The following ADD1 variants were observed in gnomAD, a reference collection of about 807,000 sequenced individuals.
The protein encoded by ADD1 is alpha-adducin.
A neutral mutation model predicts 80.5 loss-of-function variants in ADD1; 24 were observed. The ratio of observed to expected loss-of-function variants is 0.30; its 90% CI spans 0.22 to 0.42. The LOEUF is 0.42. Among genes scored for constraint, ADD1 ranks in the 10% least tolerant of loss-of-function variants. ADD1 has a pLI of 1.00. For synonymous variants in ADD1, 373 were observed against 393.8 expected (o/e 0.95, Z 0.63); for missense variants, 948 against 1,019.0 (o/e 0.93, Z 0.95).
chr4:2,848,822 A>T (rs558631397), intron 1 of ADD1, among the ~76,000 whole-genome samples: 4 of 152,168 alleles, frequency 2.6e-5, no homozygotes, highest in Non-Finnish European at 5.9e-5. Flanking sequence ...AATTAATATT[A>T]CATCTCCATA....
chr4:2,850,662 T>C (rs1223634351), intron 1 of ADD1, among the ~76,000 whole-genome samples: 1 of 152,170 alleles, frequency 6.6e-6, no homozygotes, highest in Non-Finnish European at 1.5e-5. Flanking sequence ...CCTGACCTCA[T>C]GATCCGCCCG....
chr4:2,872,784 T>C (rs2108877547), intron 1 of ADD1, among the ~76,000 whole-genome samples: 1 of 152,276 alleles, frequency 6.6e-6, no homozygotes, highest in Non-Finnish European at 1.5e-5. Context: ...AGCTTGGAAC[T>C]CCTGGGCTCA....
At chr4:2,873,155 G>A (rs564163374) in intron 1 of ADD1, among the ~76,000 whole-genome samples, 4 of 152,098 alleles carry the variant, frequency 2.6e-5, no homozygotes, top group South Asian at 4.2e-4. Context: ...CCCACGCCCC[G>A]CTAATTTTTG....
intron 13 of ADD1, among the ~76,000 whole-genome samples, chr4:2,910,107 A>C (rs1163003872): frequency 6.8e-6 from 1 of 147,394 alleles, no homozygotes; most frequent in Non-Finnish European, 1.5e-5. Context: ...ATCTGTCTGA[A>C]CCCACCCACG....
intron 6 of ADD1, among the ~76,000 whole-genome samples, chr4:2,897,710 C>T (rs976930096): frequency 2.3e-4 from 35 of 151,648 alleles, no homozygotes; most frequent in African/African-American, 6.3e-4. Flanking sequence ...TTTGTAGAGG[C>T]GGGGGTCTCA....
intron 1 of ADD1, among the ~76,000 whole-genome samples, chr4:2,845,763 TG>T (rs1726106617): frequency 1.3e-5 from 2 of 152,352 alleles, no homozygotes; most frequent in South Asian, 4.1e-4. Context: ...TTTATTTACA[TG>T]ATTTTTAGTT....
At chr4:2,879,674 G>T (rs2108914691) in intron 2 of ADD1, among the ~76,000 whole-genome samples, 2 of 152,126 alleles carry the variant, frequency 1.3e-5, no homozygotes, top group South Asian at 4.1e-4. Flanking sequence ...CCAGGCTGGA[G>T]TGCAGTGGCG....
At chr4:2,880,278 G>T (rs1448158401) in intron 2 of ADD1, among the ~76,000 whole-genome samples, 3 of 151,882 alleles carry the variant, frequency 2.0e-5, no homozygotes, top group Admixed American at 2.0e-4. Flanking sequence ...CAATACATCT[G>T]TCTGTTGTGT....
chr4:2,908,428 C>A, intron 11 of ADD1, 87 bp from the exon 12 acceptor site: 1 of 1,191,174 alleles, frequency 8.4e-7, no homozygotes, highest in Non-Finnish European at 1.2e-6. Context: ...TTCCATGTGG[C>A]TGGGGCCCAA....
chr4:2,904,806 G>A lies in ADD1; in HGVS notation c.1204G>A (p.Glu402Lys). The A allele has an allele frequency of 6.2e-7, 1 of 1,614,190 alleles. No individual in the cohort carries two copies. The stretch of plus-strand genomic sequence containing the variant: ...CCCTTATCGATACCCTGCTCTGAGA[G>A]AGAAGTCTAAAAAATACAGCGATGT... ...GYPYRYPALR[E>K]KSKKYSDVEV... The change falls in exon 10 of 16, where the codon GAG becomes AAG. Residue 402 changes from glutamate (E) to lysine (K), a missense_variant. Physicochemically the swap from Glu to Lys is moderately conservative, Grantham distance 56 (BLOSUM62 1). Coordinates refer to ENST00000683351, the MANE Select transcript of ADD1 (RefSeq NM_001354761.2).
chr4:2,901,856 C>CT (rs1553845593), intron 9 of ADD1: 2 of 149,524 alleles, frequency 1.3e-5, no homozygotes, highest in African/African-American at 2.5e-5. Flanking sequence ...TTGTCCCCCC[C>CT]CCAAAAAAAA....
intron 6 of ADD1, among the ~76,000 whole-genome samples, chr4:2,896,235 G>A (rs531579074): frequency 1.3e-5 from 2 of 150,338 alleles, no homozygotes; most frequent in African/African-American, 4.9e-5. Flanking sequence ...TGGAGATGGA[G>A]TCTTGCTGTG....
intron 1 of ADD1, among the ~76,000 whole-genome samples, chr4:2,850,152 T>C (rs1726848630): frequency 6.6e-6 from 1 of 152,244 alleles, no homozygotes; most frequent in African/African-American, 2.4e-5. Flanking sequence ...GAAGCACTCA[T>C]ACCTGGTACA....
chr4:2,922,191 G>T (rs1463601298), intron 14 of ADD1, among the ~76,000 whole-genome samples: 1 of 152,106 alleles, frequency 6.6e-6, no homozygotes, highest in Admixed American at 6.5e-5. Flanking sequence ...GTGAGGAGTT[G>T]TGATCCTTTG....
intron 1 of ADD1, among the ~76,000 whole-genome samples, chr4:2,873,998 C>T (rs1220854161): frequency 2.0e-5 from 3 of 152,026 alleles, no homozygotes; most frequent in African/African-American, 7.2e-5. Context: ...TCACTTGAAC[C>T]TAGGAGTTTG....
intron 1 of ADD1, among the ~76,000 whole-genome samples, chr4:2,847,325 G>T (rs765193565): frequency 7.9e-5 from 12 of 151,800 alleles, no homozygotes; most frequent in Admixed American, 2.0e-4. Flanking sequence ...GGAGGCTGAG[G>T]CAGGAGAATC....
In ADD1 at chr4:2,858,197, G is replaced by A. The variant is rs1312966002; in HGVS notation, c.-21+14173G>A. Among the ~76,000 whole-genome samples, 7 of 152,302 alleles carry A rather than the reference G, an allele frequency of 4.6e-5. No individual in the cohort carries two copies. In the South Asian group the frequency reaches 6.2e-4, roughly 14 times the overall value. On this transcript the variant is annotated intron_variant, in intron 1 of 15. Transcript: ENST00000683351. ...AGTTAATTAGTGTCCATTACAGAAT[G>A]TTCTTCTGGTGTCCTTTTTAAAGAG... is the stretch of plus-strand genomic sequence containing the variant.
At chr4:2,924,423 C>T (rs1228847007) in intron 14 of ADD1, among the ~76,000 whole-genome samples, 1 of 152,178 alleles carries the variant, frequency 6.6e-6, no homozygotes, top group Admixed American at 6.5e-5. Context: ...GGCACAGGGA[C>T]CCCTGCCAGG....
intron 1 of ADD1, among the ~76,000 whole-genome samples, chr4:2,849,442 A>G (rs1037285587): frequency 1.3e-5 from 2 of 152,170 alleles, no homozygotes; most frequent in Non-Finnish European, 2.9e-5. Context: ...TCTGGGGCTG[A>G]CGTTAGGGGA....
Sources: gnomAD v4.1 joint callset for allele counts (sites outside exome capture counted in the v4.1 genomes callset) on GRCh38, gnomAD v4.1.1 for gene constraint, MANE v1.5 for transcripts, NCBI Gene and HGNC (gene_info 2026-07-23, HGNC 2026-07-21) for gene names.